Variants in NPR3 observed in about 807,000 individuals in gnomAD.
NPR3 encodes the protein natriuretic peptide receptor 3, also known as atrial natriuretic peptide receptor 3.
In NPR3, 34 loss-of-function variants were observed where a neutral mutation model predicts 54.5. That is an observed-to-expected ratio of 0.62 (90% CI 0.47 to 0.83). The LOEUF (loss-of-function observed/expected upper bound fraction) is 0.83. NPR3 is among the 40% of genes least tolerant of loss of function. The pLI is 0.00. For synonymous variants in NPR3, 289 were observed against 297.1 expected, an observed-to-expected ratio of 0.97 and a Z score of 0.28; for missense variants, 674 against 720.8, an observed-to-expected ratio of 0.94 and a Z score of 0.74.
intron 5 of NPR3, among the ~76,000 whole-genome samples, chr5:32,781,137 G>A (rs997909486): frequency 6.6e-6 from 1 of 151,906 alleles, no homozygotes; most frequent in African/African-American, 2.4e-5. Context: ...GAGTGGGAGG[G>A]TGGGTGGTTA....
intron 3 of NPR3, among the ~76,000 whole-genome samples, chr5:32,743,770 C>G (rs1329309860): frequency 1.3e-5 from 2 of 152,078 alleles, no homozygotes; most frequent in Non-Finnish European, 2.9e-5. Context: ...TTTCCCTCAG[C>G]TTGGGTGCTA....
At chr5:32,727,636 G>GT (rs1205860414) in intron 2 of NPR3, among the ~76,000 whole-genome samples, 2 of 151,966 alleles carry the variant, frequency 1.3e-5, no homozygotes, top group African/African-American at 4.8e-5. Context: ...AGTATTTTAT[G>GT]TTTTTTGGTT....
At chr5:32,725,440 C>T (rs544543725) in intron 2 of NPR3, among the ~76,000 whole-genome samples, 1 of 152,160 alleles carries the variant, frequency 6.6e-6, no homozygotes, top group Non-Finnish European at 1.5e-5. Flanking sequence ...AAAAAGATAT[C>T]ATGTACCTAT....
intron 1 of NPR3, among the ~76,000 whole-genome samples, chr5:32,700,720 A>G (rs1422151981): frequency 2.0e-5 from 3 of 152,192 alleles, no homozygotes; most frequent in Non-Finnish European, 4.4e-5. Flanking sequence ...TGCCAAGGAC[A>G]TGAACTCATC....
intron 2 of NPR3, among the ~76,000 whole-genome samples, chr5:32,729,099 G>A (rs1739323287): frequency 1.4e-5 from 2 of 139,232 alleles, no homozygotes; most frequent in African/African-American, 2.7e-5. Context: ...GCGGGATCTC[G>A]GCTCACTGCA....
intron 3 of NPR3, among the ~76,000 whole-genome samples, chr5:32,755,022 C>T (rs1389383330): frequency 6.6e-6 from 1 of 151,914 alleles, no homozygotes; most frequent in Non-Finnish European, 1.5e-5. Flanking sequence ...CACCACGCCC[C>T]GCTAATTTTT....
intron 2 of NPR3, among the ~76,000 whole-genome samples, chr5:32,733,405 G>A (rs1739568043): frequency 6.6e-6 from 1 of 152,178 alleles, no homozygotes; most frequent in African/African-American, 2.4e-5. Flanking sequence ...GCCCCATAGA[G>A]TTTTTAAAGG....
intron 3 of NPR3, among the ~76,000 whole-genome samples, chr5:32,758,705 A>G (rs1385198762): frequency 1.3e-5 from 2 of 152,028 alleles, no homozygotes; most frequent in African/African-American, 4.8e-5. Flanking sequence ...TAGGGTGTCA[A>G]TTTTAGATCT....
rs139801650 is a variant in NPR3 at position 32,790,696 on chromosome 5, C to T, written c.*4351C>T. 4 of 166,792 alleles carry T rather than the reference C, an allele frequency of 2.4e-5. No homozygotes were observed. Among genetic ancestry groups the T allele is most frequent in the Non-Finnish European group, 5.9e-5 (4 of 68,118 alleles). The allele number at this position is 166,792 out of a possible 1,614,324, so 10.3% of individuals were successfully genotyped here. A position where few individuals can be genotyped will look rare whatever the true frequency, so the allele number is the denominator to read the frequency against. ...TGGATTGGAGTTTGTTCAAATTTCT[C>T]ATTAACCACTAATGTTAATTCATAC... On this transcript the variant is annotated 3_prime_UTR_variant, in exon 8 of 8. Coordinates refer to ENST00000265074, the MANE Select transcript of NPR3 (RefSeq NM_001204375.2).
upstream of NPR3, among the ~76,000 whole-genome samples, chr5:32,707,114 C>T (rs1192141469): frequency 1.3e-5 from 2 of 151,972 alleles, no homozygotes; most frequent in Non-Finnish European, 2.9e-5. Flanking sequence ...ACTAGCTATA[C>T]GTTTTTCAGA....
intron 3 of NPR3, among the ~76,000 whole-genome samples, chr5:32,762,893 T>C (rs529874860): frequency 6.6e-6 from 1 of 152,370 alleles, no homozygotes; most frequent in East Asian, 1.9e-4. Context: ...GTTTTTGTCA[T>C]GAAGTCTTTG....
intron 6 of NPR3, 34 bp downstream of exon 6, chr5:32,783,062 A>T: frequency 6.3e-7 from 1 of 1,574,916 alleles, no homozygotes; most frequent in Non-Finnish European, 8.6e-7. Flanking sequence ...TATGTATGTC[A>T]TCACCTCTAA....
At chr5:32,710,859 G>GT (rs56022335), upstream of NPR3, 95,080 of 962,836 alleles carry the variant, frequency 0.099, 102 homozygotes, top group South Asian at 0.2. Context: ...CCCAGTCCTG[G>GT]TTTTTTTTTT....
At chr5:32,753,868 G>C (rs1475878619) in intron 3 of NPR3, among the ~76,000 whole-genome samples, 2 of 152,172 alleles carry the variant, frequency 1.3e-5, no homozygotes, top group African/African-American at 4.8e-5. Context: ...CATGTCTTCA[G>C]TCAGGCCACT....
At chr5:32,727,188 G>A (rs758126990) in intron 2 of NPR3, among the ~76,000 whole-genome samples, 4 of 152,030 alleles carry the variant, frequency 2.6e-5, no homozygotes, top group African/African-American at 7.2e-5. Context: ...GTACAGAGGC[G>A]TGATCTTGGC....
intron 1 of NPR3, among the ~76,000 whole-genome samples, chr5:32,694,853 C>G (rs1007275551): frequency 6.6e-6 from 1 of 152,084 alleles, no homozygotes; most frequent in East Asian, 1.9e-4. Flanking sequence ...CTCCCTCCCC[C>G]ACCCTGTCCT....
At chr5:32,698,267 T>A (rs936490943) in intron 1 of NPR3, among the ~76,000 whole-genome samples, 1 of 152,140 alleles carries the variant, frequency 6.6e-6, no homozygotes, top group African/African-American at 2.4e-5. Context: ...AAGGAGCATA[T>A]TGTTTAATTT....
chr5:32,759,752 C>T (rs1346362010), intron 3 of NPR3, among the ~76,000 whole-genome samples: 1 of 152,164 alleles, frequency 6.6e-6, no homozygotes, highest in African/African-American at 2.4e-5. Flanking sequence ...AGCAGTTGTT[C>T]CTTTCCATGT....
intron 3 of NPR3, among the ~76,000 whole-genome samples, chr5:32,755,770 A>G (rs1160734026): frequency 2.0e-5 from 3 of 152,176 alleles, no homozygotes; most frequent in African/African-American, 7.2e-5. Context: ...TTCTATACCT[A>G]CATTGCCGCA....
Sources: allele counts gnomAD v4.1 joint callset (sites outside exome capture counted in the v4.1 genomes callset), GRCh38; gene constraint gnomAD v4.1.1; transcripts MANE v1.5; gene names NCBI Gene and HGNC (gene_info 2026-07-23, HGNC 2026-07-21).